Variants in OPRL1 observed in about 807,000 individuals in gnomAD.
OPRL1 encodes opioid related nociceptin receptor 1, also known as nociceptin receptor.
OPRL1 carries 5 observed loss-of-function variants against 15.5 expected under a neutral mutation model. That is an observed-to-expected ratio of 0.32 (90% confidence interval 0.17 to 0.68). OPRL1 has a LOEUF of 0.68. Ranked by LOEUF, OPRL1 falls within the 30% of genes least tolerant of loss-of-function variation. The probability of loss-of-function intolerance (pLI) is 0.72; values close to 1 mark genes in which losing one functional copy is unlikely to be tolerated. For synonymous variants in OPRL1, 223 were observed against 230.2 expected (o/e 0.97, Z 0.28); for missense variants, 406 against 515.3 (o/e 0.79, Z 2.05).
rs769120700 is a variant in OPRL1 at position 64,098,685 on chromosome 20, C to T, written c.999C>T (p.Phe333=). 1 of 1,612,856 alleles carries T rather than the reference C, an allele frequency of 6.2e-7. No individual in the cohort carries two copies. The change falls in exon 5 of 5, where the codon TTC becomes TTT. Residue 333 remains phenylalanine, a synonymous_variant. Coordinates refer to ENST00000336866, the MANE Select transcript of OPRL1 (RefSeq NM_182647.4). The part of the protein sequence containing the change: ...DENFKACFRK[F]CCASALRRDV... ...ACTTCAAGGCCTGCTTCCGCAAGTTCTGCTGTGCATCTGCCCTGCGCCGGG... is the reference window on the plus strand; with the variant it reads ...ACTTCAAGGCCTGCTTCCGCAAGTTTTGCTGTGCATCTGCCCTGCGCCGGG...
chr20:64,087,584 C>T lies in OPRL1; in HGVS notation c.-184-4382C>T, dbSNP rs368474621. ...CACACAAGCTCTGTGCTGTCATTCG[C>T]GTGTCATCGTTCGTGTCTTGGGCTA... On this transcript the variant is annotated intron_variant, in intron 1 of 4. Transcript: ENST00000336866. Among the ~76,000 whole-genome samples, 42 of 49,656 alleles carry T rather than the reference C, an allele frequency of 8.5e-4. No individual in the cohort carries two copies. The East Asian group carries it at 0.021, about 25-fold the overall frequency. 32.6% of individuals were successfully genotyped at this position (49,656 alleles called of 152,430 possible).
In OPRL1 at chr20:64,083,175, A is replaced by C. The variant is rs945432963; in HGVS notation, c.-185+2823A>C. 6.6e-6 allele frequency among the ~76,000 whole-genome samples: 1 copy of C among 152,164 alleles called. No homozygotes were observed. The highest frequency in any genetic ancestry group is 2.4e-5 in the African/African-American group (1 of 41,434). Reference sequence around the variant, plus strand: ...TAGACCCACAGAACGCCAGGTTGCCAGTGGGGGGCAGATCGGGATTAGGGG... The same window carrying C: ...TAGACCCACAGAACGCCAGGTTGCCCGTGGGGGGCAGATCGGGATTAGGGG... On this transcript the variant is annotated intron_variant, in intron 1 of 4. Coordinates refer to ENST00000336866, the MANE Select transcript of OPRL1 (RefSeq NM_182647.4). The surrounding 1 kb of genome is among the most constrained non-coding windows in gnomAD (Gnocchi z 4.9).
intron 1 of OPRL1, among the ~76,000 whole-genome samples, chr20:64,081,571 C>T (rs879183983): frequency 2.0e-5 from 3 of 152,196 alleles, no homozygotes; most frequent in Non-Finnish European, 2.9e-5. Context: ...TTCTGCCTCT[C>T]GGCACACAGC....
At chr20:64,084,151 G>T in intron 1 of OPRL1, 3 of 1,455,038 alleles carry the variant, frequency 2.1e-6, no homozygotes, top group Non-Finnish European at 2.7e-6. Flanking sequence ...CCTGCGCCGT[G>T]CCTGGCGCGC....
chr20:64,093,413 ATGATC>A lies in OPRL1; in HGVS notation c.233+463_233+467del, dbSNP rs141283216. On this transcript the variant is annotated intron_variant, in intron 3 of 4. Transcript: ENST00000336866. ...ATGGCAGGTGTCTGTGGCTGAGCCC[ATGATC>A]TGTTGGTGCTCAGAGATGGGAAAAC... Among the ~76,000 whole-genome samples, 801 of 135,392 alleles carry A rather than the reference ATGATC, an allele frequency of 5.9e-3. 13 individuals carry two copies. Among genetic ancestry groups the A allele is most frequent in the African/African-American group, 0.021 (718 of 34,966 alleles). 88.8% of individuals were successfully genotyped at this position (135,392 alleles called of 152,430 possible). A position where few individuals can be genotyped will look rare whatever the true frequency, so the allele number is the denominator to read the frequency against.
intron 1 of OPRL1, among the ~76,000 whole-genome samples, chr20:64,085,323 CTGGTGTTCACAGAAAGGGATAA>C (rs2060034358): frequency 6.6e-6 from 1 of 152,182 alleles, no homozygotes; most frequent in Non-Finnish European, 1.5e-5. Flanking sequence ...GCCCCAGCCA[CTGGTGTTCACAGAAAGGGATAA>C]TGGGGCAGAA....
rs745624896 is a variant in OPRL1, at chr20:64,098,282, A to C, written c.596A>C (p.Glu199Ala). ...GSAQVEDEEI[E>A]CLVEIPTPQD... ...CCCGTTTCTCTCCCTGCAGAGATCGAGTGCCTGGTGGAGATCCCTACCCCT... is the reference window on the plus strand; with the variant it reads ...CCCGTTTCTCTCCCTGCAGAGATCGCGTGCCTGGTGGAGATCCCTACCCCT... Residue 199 changes from glutamate to alanine, a missense_variant, in exon 5 of 5, where the codon GAG (glutamate) becomes GCG (alanine). Physicochemically the swap from Glu to Ala is moderately radical, Grantham distance 107. Coordinates refer to ENST00000336866, the MANE Select transcript of OPRL1 (RefSeq NM_182647.4). 2 of 1,613,172 alleles carry C rather than the reference A, an allele frequency of 1.2e-6. No individual in the cohort carries two copies. The highest frequency in any genetic ancestry group is 8.5e-7 in the Non-Finnish European group (1 of 1,179,598).
chr20:64,084,500 A>T, intron 1 of OPRL1: 1 of 731,230 alleles, frequency 1.4e-6, no homozygotes, highest in Non-Finnish European at 1.8e-6. Context: ...TATCTTTCCT[A>T]CCCGATGGAC....
chr20:64,086,235 G>C (rs2060048779), intron 1 of OPRL1, among the ~76,000 whole-genome samples: 1 of 152,216 alleles, frequency 6.6e-6, no homozygotes, highest in Non-Finnish European at 1.5e-5. Context: ...GGCGTTTGTG[G>C]GGGAGTCACG....
In OPRL1 at chr20:64,095,852, C is replaced by T. The variant is rs192507441; in HGVS notation, c.234-1950C>T. 3.7e-3 allele frequency among the ~76,000 whole-genome samples: 570 copies of T among 152,112 alleles called. 2 individuals are homozygous for T. Among genetic ancestry groups the T allele is most frequent in the African/African-American group, 0.013 (528 of 41,458 alleles). On this transcript the variant is annotated intron_variant, in intron 3 of 4. Coordinates refer to ENST00000336866, the MANE Select transcript of OPRL1 (RefSeq NM_182647.4). ...ATCCTAGCCCTGTCCTCTTAGTGTC[C>T]CTGAGAAAAGCTGTTCCCCTCTGGG...
intron 1 of OPRL1, among the ~76,000 whole-genome samples, chr20:64,087,889 G>A (rs1207529941): frequency 6.6e-6 from 1 of 152,204 alleles, no homozygotes; most frequent in African/African-American, 2.4e-5. Flanking sequence ...AGAGATACCT[G>A]GGCCATTTCA....
At chr20:64,084,464 T>C in intron 1 of OPRL1, 1 of 1,022,414 alleles carries the variant, frequency 9.8e-7, no homozygotes, top group Non-Finnish European at 1.2e-6. Flanking sequence ...CAACTAGGAC[T>C]TTCTGATCAA....
rs745570699 is a variant in OPRL1, at chr20:64,097,876, C to T, written c.308C>T (p.Thr103Met). Residue 103 changes from threonine to methionine, a missense_variant, in exon 4 of 5, where the codon ACG becomes ATG. Physicochemically the swap from Thr to Met is moderately conservative, Grantham distance 81. Coordinates refer to ENST00000336866, the MANE Select transcript of OPRL1 (RefSeq NM_182647.4). The surrounding 1 kb of genome is among the most constrained non-coding windows in gnomAD (Gnocchi z 4.2). The part of the protein sequence containing the change: ...LALADTLVLL[T>M]LPFQGTDILL... ...CTGGCCGACACTCTGGTCCTGCTGA[C>T]GCTGCCCTTCCAGGGCACGGACATC... The T allele has an allele frequency of 4.4e-5, 71 of 1,613,544 alleles. No homozygotes were observed. The Middle Eastern group carries it at 1.5e-3, about 34-fold the overall frequency.
chr20:64,087,120 C>T (rs1363336043), intron 1 of OPRL1, among the ~76,000 whole-genome samples: 1 of 152,064 alleles, frequency 6.6e-6, no homozygotes. Flanking sequence ...TGCTGTCATT[C>T]GCGTGTCATC....
Position 64,098,095 on chromosome 20 carries a change from C to A in OPRL1, c.527C>A (p.Ala176Asp). The change falls in exon 4 of 5, where the codon GCC becomes GAC. Residue 176 changes from alanine (A) to aspartate (D), a missense_variant. Ala to Asp is a moderately radical substitution (Grantham distance 126). Coordinates refer to ENST00000336866, the MANE Select transcript of OPRL1 (RefSeq NM_182647.4). Reference protein sequence around the residue: ...KAQAVNVAIWALASVVGVPVA... With the variant: ...KAQAVNVAIWDLASVVGVPVA... ...CAGGCTGTCAATGTGGCCATCTGGG[C>A]CCTGGCCTCTGTTGTCGGTGTTCCC... The A allele has an allele frequency of 9.9e-6, 16 of 1,613,334 alleles. No individual in the cohort carries two copies. The highest frequency in any genetic ancestry group is 1.4e-5 in the Non-Finnish European group (16 of 1,180,020).
intron 2 of OPRL1, 132 bp from the exon 3 acceptor site, chr20:64,092,556 C>A: frequency 1.6e-6 from 1 of 632,486 alleles, no homozygotes; most frequent in Non-Finnish European, 2.8e-6. Context: ...TGTGTGTGCC[C>A]GTGTGCCTCA....
chr20:64,086,889 G>A (rs1374434709), intron 1 of OPRL1, among the ~76,000 whole-genome samples: 2 of 152,160 alleles, frequency 1.3e-5, no homozygotes, highest in Non-Finnish European at 2.9e-5. Context: ...AAGGAGGAGG[G>A]TAGACTGTGC....
chr20:64,095,392 G>T (rs368968916), intron 3 of OPRL1, among the ~76,000 whole-genome samples: 25 of 142,952 alleles, frequency 1.7e-4, no homozygotes, highest in African/African-American at 6.5e-4. Context: ...GGCACAGCAT[G>T]GGGGGCAGCG....
rs1332220689 is a variant in OPRL1 at position 64,083,969 on chromosome 20, A to G, written c.-185+3617A>G. 2.7e-6 allele frequency: 4 copies of G among 1,467,308 alleles called. No individual in the cohort carries two copies. Among genetic ancestry groups the G allele is most frequent in the South Asian group, 2.6e-5 (2 of 76,668 alleles). The allele number at this position is 1,467,308 out of a possible 1,614,324, so 90.9% of individuals were successfully genotyped here. ...GTCGGGCATGCGGTACCCCGGTTCCACCGACCCGCACGGGAAGGTGGAGGC... is the reference window on the plus strand; with the variant it reads ...GTCGGGCATGCGGTACCCCGGTTCCGCCGACCCGCACGGGAAGGTGGAGGC... On this transcript the variant is annotated intron_variant, in intron 1 of 4. Coordinates refer to ENST00000336866, the MANE Select transcript of OPRL1 (RefSeq NM_182647.4). This position sits in a 1 kb window ranked among gnomAD's most constrained non-coding sequence, Gnocchi z 4.9.
Sources: gnomAD v4.1 joint callset for allele counts (sites outside exome capture counted in the v4.1 genomes callset) on GRCh38, gnomAD v4.1.1 for gene constraint, Gnocchi (gnomAD v3.1) non-coding constraint, MANE v1.5 for transcripts, NCBI Gene and HGNC (gene_info 2026-07-23, HGNC 2026-07-21) for gene names.